Variants in CEP164 observed in about 807,000 individuals in gnomAD.
CEP164 encodes centrosomal protein of 164 kDa.
Under a neutral mutation model 182.7 loss-of-function variants are expected in CEP164, and 162 were observed. The observed-to-expected ratio is 0.89, with a 90% CI of 0.78 to 1.01. CEP164 has a LOEUF of 1.01. CEP164 is among the 50% of genes least tolerant of loss of function. The pLI is 0.00. For synonymous variants in CEP164, 661 were observed against 690.0 expected (o/e 0.96, Z 0.66); for missense variants, 1,735 against 1,790.4 (o/e 0.97, Z 0.56).
At chr11:117,339,578 G>C (rs1421743965) in intron 3 of CEP164, among the ~76,000 whole-genome samples, 1 of 117,704 alleles carries the variant, frequency 8.5e-6, no homozygotes, top group African/African-American at 3.3e-5. Context: ...ACCCAGGCTG[G>C]AATGCAGTGG....
At chr11:117,375,911 T>A in intron 11 of CEP164, 120 bp downstream of exon 11, 1 of 798,502 alleles carries the variant, frequency 1.3e-6, no homozygotes, top group Non-Finnish European at 2.1e-6. Flanking sequence ...CTCTCCCTTC[T>A]AATTCATTAA....
At chr11:117,362,660 A>G (rs1288178016) in intron 7 of CEP164, 122 bp downstream of exon 7, 43 of 1,113,838 alleles carry the variant, frequency 3.9e-5, no homozygotes, top group Non-Finnish European at 5.2e-5. Flanking sequence ...AACCATTTTA[A>G]AGTTAAAATT....
Position 117,407,979 on chromosome 11 carries a change from C to T in CEP164, c.3556C>T (p.Leu1186=), listed in dbSNP as rs138861857. Reference sequence around the variant, plus strand: ...GGCCATGCGGAAAGGCCACAACCTGCTGAAGAAGAAAGAGGAGAAGCTGAA... The same window carrying T: ...GGCCATGCGGAAAGGCCACAACCTGTTGAAGAAGAAAGAGGAGAAGCTGAA... The part of the protein sequence containing the change: ...KSAMRKGHNL[L]KKKEEKLNQL... The change falls in exon 28 of 33, where the codon CTG becomes TTG. Residue 1186 remains leucine (L), a synonymous_variant. Transcript: ENST00000278935. 277 of 1,602,808 alleles carry T rather than the reference C, an allele frequency of 1.7e-4. No individual in the cohort carries two copies. In the African/African-American group the frequency reaches 3.4e-3, roughly 20 times the overall value.
rs560103508 is a variant in CEP164, at chr11:117,394,327, C to T, written c.2617-23C>T. 2.3e-5 allele frequency: 36 copies of T among 1,575,844 alleles called. No homozygotes were observed. Among genetic ancestry groups the T allele is most frequent in the Middle Eastern group, 1.7e-4 (1 of 5,956 alleles). On this transcript the variant is annotated intron_variant, in intron 20 of 32. Coordinates refer to ENST00000278935, the MANE Select transcript of CEP164 (RefSeq NM_014956.5). This position sits in a 1 kb window ranked among gnomAD's most constrained non-coding sequence, Gnocchi z 4.0. Reference sequence around the variant, plus strand: ...AGAAGGGGCTGCCGCAGCTTCCCACCGGTGGGCCCACCCTCCTTGCAGGAG... The same window carrying T: ...AGAAGGGGCTGCCGCAGCTTCCCACTGGTGGGCCCACCCTCCTTGCAGGAG...
intron 8 of CEP164, among the ~76,000 whole-genome samples, chr11:117,369,368 A>G (rs2041972696): frequency 6.6e-6 from 1 of 152,222 alleles, no homozygotes; most frequent in Non-Finnish European, 1.5e-5. Context: ...AATTTGCCTA[A>G]GGTCACACAT....
intron 1 of CEP164, among the ~76,000 whole-genome samples, chr11:117,321,902 T>C (rs2035257092): frequency 6.6e-6 from 1 of 152,064 alleles, no homozygotes; most frequent in African/African-American, 2.4e-5. Context: ...CTCACTATAT[T>C]GCCCAGGCTG....
At position 117,394,108 on chromosome 11, in the gene CEP164, C is replaced by A. The variant is rs2045094774; in HGVS notation, c.2617-242C>A. Among the ~76,000 whole-genome samples the A allele has an allele frequency of 6.6e-6, 1 of 152,236 alleles. No homozygotes were observed. The highest frequency in any genetic ancestry group is 2.1e-4 in the South Asian group (1 of 4,836). ...GTATATGGTGGAGCCATAGGGAGAGCCAGAAAGGGAATCTGTCGTGGTGTC... is the reference window on the plus strand; with the variant it reads ...GTATATGGTGGAGCCATAGGGAGAGACAGAAAGGGAATCTGTCGTGGTGTC... On this transcript the variant is annotated intron_variant, in intron 20 of 32. Coordinates refer to ENST00000278935, the MANE Select transcript of CEP164 (RefSeq NM_014956.5). This position sits in a 1 kb window ranked among gnomAD's most constrained non-coding sequence, Gnocchi z 4.0.
intron 27 of CEP164, among the ~76,000 whole-genome samples, chr11:117,407,668 A>T (rs924552644): frequency 2.0e-5 from 3 of 152,062 alleles, no homozygotes; most frequent in Non-Finnish European, 4.4e-5. Flanking sequence ...AATAATCATA[A>T]TAAATAATAA....
chr11:117,397,016 T>A, intron 26 of CEP164, 75 bp from the exon 27 acceptor site: 1 of 1,365,618 alleles, frequency 7.3e-7, no homozygotes, highest in Non-Finnish European at 1.0e-6. Context: ...TGGCATCTGC[T>A]GGGGAAGGGG....
chr11:117,327,532 C>T (rs184854679), upstream of CEP164, among the ~76,000 whole-genome samples: 1 of 149,766 alleles, frequency 6.7e-6, no homozygotes, highest in Admixed American at 6.7e-5. Context: ...GAACTCCTGA[C>T]CTCAGGTGAC....
chr11:117,344,967 A>T (rs11828321), intron 4 of CEP164, among the ~76,000 whole-genome samples: 28 of 152,218 alleles, frequency 1.8e-4, no homozygotes, highest in African/African-American at 6.5e-4. Flanking sequence ...ACTACTACTT[A>T]AAAAGATAAA....
In CEP164 at chr11:117,348,756, C is replaced by G. The variant is rs112513073; in HGVS notation, c.195-3034C>G. 6.0e-3 allele frequency among the ~76,000 whole-genome samples: 920 copies of G among 152,300 alleles called. 10 individuals carry two copies. Among genetic ancestry groups the G allele is most frequent in the South Asian group, 0.029 (139 of 4,830 alleles). On this transcript the variant is annotated intron_variant, in intron 4 of 32. Coordinates refer to ENST00000278935, the MANE Select transcript of CEP164 (RefSeq NM_014956.5). ...TCCATCTCCAGAATGTTTTCATCCC[C>G]AAACTGAAACTCTATAGCCATTAAA...
chr11:117,332,076 G>A (rs1204002588), intron 1 of CEP164, among the ~76,000 whole-genome samples: 1 of 151,244 alleles, frequency 6.6e-6, no homozygotes, highest in Non-Finnish European at 1.5e-5. Flanking sequence ...CCTAGGCCTT[G>A]GTCCCCCATA....
chr11:117,340,220 G>T (rs1432437437), intron 3 of CEP164, among the ~76,000 whole-genome samples: 1 of 152,134 alleles, frequency 6.6e-6, no homozygotes, highest in Non-Finnish European at 1.5e-5. Flanking sequence ...CAGAGACGGG[G>T]TTTTGCCATG....
At position 117,392,746 on chromosome 11, in the gene CEP164, G is replaced by A; in HGVS notation, c.2493+119G>A. On this transcript the variant is annotated intron_variant, in intron 19 of 32. Coordinates refer to ENST00000278935, the MANE Select transcript of CEP164 (RefSeq NM_014956.5). ...GCTTTGGATGGCTCAGCTGGGGTTA[G>A]CATTTCTAGTTCCCTTTTTATGCCT... 3 of 1,409,416 alleles carry A rather than the reference G, an allele frequency of 2.1e-6. No individual in the cohort carries two copies. The African/African-American group carries it at 4.3e-5, about 20-fold the overall frequency. The allele number at this position is 1,409,416 out of a possible 1,614,324, so 87.3% of individuals were successfully genotyped here.
In CEP164 at chr11:117,395,619, C is replaced by T; in HGVS notation, c.2986C>T (p.Gln996Ter). The T allele has an allele frequency of 6.2e-7, 1 of 1,613,984 alleles. No individual in the cohort carries two copies. Among genetic ancestry groups the T allele is most frequent in the Non-Finnish European group, 8.5e-7 (1 of 1,180,016 alleles). ...CACCCACCTGTTGCAGTCAAACCAG[C>T]AGCTCCGAGAAATTCTTGATGAGCT... Reference protein sequence around the residue: ...EHTHLLQSNQQLREILDELQA... With the variant: ...EHTHLLQSNQ The change falls in exon 24 of 33, where the codon CAG (glutamine) becomes TAG (stop). Residue 996 changes from glutamine (Q) to a stop codon, truncating the protein, a stop_gained. Coordinates refer to ENST00000278935, the MANE Select transcript of CEP164 (RefSeq NM_014956.5). LOFTEE classifies it high-confidence loss of function.
chr11:117,387,562 A>G, intron 15 of CEP164, 150 bp downstream of exon 15: 1 of 702,860 alleles, frequency 1.4e-6, no homozygotes, highest in Non-Finnish European at 2.4e-6. Context: ...ATTTCTGCTT[A>G]TATCTCATTG....
chr11:117,328,812 T>TG (rs1351942729), intron 1 of CEP164, among the ~76,000 whole-genome samples: 3 of 152,164 alleles, frequency 2.0e-5, no homozygotes, highest in Non-Finnish European at 4.4e-5. Flanking sequence ...GTGTAGTAGG[T>TG]GGGGCTGCCT....
chr11:117,403,373 A>G (rs944942825), intron 27 of CEP164, among the ~76,000 whole-genome samples: 10 of 152,212 alleles, frequency 6.6e-5, no homozygotes, highest in African/African-American at 2.4e-4. Flanking sequence ...GGTGGTGACA[A>G]AATCTCTCAG....
Sources: allele counts gnomAD v4.1 joint callset (sites outside exome capture counted in the v4.1 genomes callset), GRCh38; gene constraint gnomAD v4.1.1; non-coding constraint Gnocchi (gnomAD v3.1); transcripts MANE v1.5; gene names NCBI Gene and HGNC (gene_info 2026-07-23, HGNC 2026-07-21).